The following BANK1 variants were observed in gnomAD, a reference collection of about 807,000 sequenced individuals.
BANK1 encodes B-cell scaffold protein with ankyrin repeats.
A neutral mutation model predicts 94.5 loss-of-function variants in BANK1; 95 were observed. The observed-to-expected ratio is 1.00, with a 90% CI of 0.85 to 1.19. BANK1 has a LOEUF of 1.19. Ranked by LOEUF, BANK1 falls within the 50% of genes most tolerant of loss-of-function variation. BANK1 has a pLI of 0.00. For missense variants in BANK1, 987 were observed against 932.2 expected (o/e 1.06, Z -0.77); for synonymous variants, 334 against 308.4 (o/e 1.08, Z -0.87).
chr4:101,967,966 ACT>A (rs1287719401), intron 7 of BANK1, among the ~76,000 whole-genome samples: 3 of 152,024 alleles, frequency 2.0e-5, no homozygotes, highest in African/African-American at 7.2e-5. Flanking sequence ...AGATGGGAAA[ACT>A]CTGACCAAGT....
chr4:101,984,826 C>T (rs1725429704), intron 7 of BANK1, among the ~76,000 whole-genome samples: 1 of 152,012 alleles, frequency 6.6e-6, no homozygotes, highest in Non-Finnish European at 1.5e-5. Flanking sequence ...GAACAAAATC[C>T]TTTGAGTCTT....
At chr4:102,047,328 T>G (rs1727908832) in intron 11 of BANK1, among the ~76,000 whole-genome samples, 1 of 152,184 alleles carries the variant, frequency 6.6e-6, no homozygotes, top group African/African-American at 2.4e-5. Flanking sequence ...TTTTATTCTC[T>G]CATGAAACAC....
chr4:101,797,528 T>TA (rs1725199195), intron 1 of BANK1, among the ~76,000 whole-genome samples: 1 of 152,112 alleles, frequency 6.6e-6, no homozygotes, highest in Admixed American at 6.6e-5. Flanking sequence ...TTGCAATGAG[T>TA]AAAAATACAG....
intron 6 of BANK1, among the ~76,000 whole-genome samples, chr4:101,899,058 T>C (rs972316922): frequency 2.6e-5 from 4 of 152,076 alleles, no homozygotes; most frequent in Non-Finnish European, 5.9e-5. Context: ...TTTTCCAGTA[T>C]ACAAATTTTG....
At chr4:102,064,699 A>G (rs1728532103) in intron 13 of BANK1, among the ~76,000 whole-genome samples, 2 of 152,250 alleles carry the variant, frequency 1.3e-5, no homozygotes, top group South Asian at 4.1e-4. Flanking sequence ...TTACCAGGCA[A>G]ATATATGAAG....
At chr4:101,802,338 C>T (rs1297855166) in intron 1 of BANK1, among the ~76,000 whole-genome samples, 1 of 152,112 alleles carries the variant, frequency 6.6e-6, no homozygotes, top group Non-Finnish European at 1.5e-5. Context: ...TAATTGATGC[C>T]TGAAGTAATT....
At chr4:101,834,958 T>G (rs1238771849) in intron 2 of BANK1, among the ~76,000 whole-genome samples, 2 of 152,164 alleles carry the variant, frequency 1.3e-5, no homozygotes, top group Non-Finnish European at 1.5e-5. Context: ...AATTTATATT[T>G]TCTCCTAGTA....
chr4:101,891,400 CT>C (rs1721864798), intron 5 of BANK1, among the ~76,000 whole-genome samples: 1 of 151,922 alleles, frequency 6.6e-6, no homozygotes, highest in African/African-American at 2.4e-5. Context: ...TTATTTTTCA[CT>C]TTTTTCAAAA....
chr4:101,965,128 G>A (rs1186727283), intron 7 of BANK1, among the ~76,000 whole-genome samples: 4 of 151,640 alleles, frequency 2.6e-5, no homozygotes, highest in Non-Finnish European at 5.9e-5. Flanking sequence ...GTATTCCATG[G>A]TGTATATGTG....
At chr4:102,042,344 A>G (rs370948625) in intron 10 of BANK1, among the ~76,000 whole-genome samples, 31 of 152,156 alleles carry the variant, frequency 2.0e-4, no homozygotes, top group East Asian at 1.7e-3. Context: ...TATATTTAGC[A>G]TGTTTTCCAT....
rs1400268801 is a variant in BANK1 at position 101,862,422 on chromosome 4, A to C, written c.625-104A>C. ...AAAATACAAACACCATAGAAGACTTATTCAATAATAGTGTATTACCTTAAT... is the reference window on the plus strand; with the variant it reads ...AAAATACAAACACCATAGAAGACTTCTTCAATAATAGTGTATTACCTTAAT... On this transcript the variant is annotated intron_variant, in intron 3 of 16. Coordinates refer to ENST00000322953, the MANE Select transcript of BANK1 (RefSeq NM_017935.5). 2.2e-5 allele frequency: 18 copies of C among 833,114 alleles called. No homozygotes were observed. In the East Asian group the frequency reaches 5.5e-4, roughly 25 times the overall value. The allele number at this position is 833,114 out of a possible 1,614,324, so 51.6% of individuals were successfully genotyped here. A position where few individuals can be genotyped will look rare whatever the true frequency, so the allele number is the denominator to read the frequency against.
intron 10 of BANK1, among the ~76,000 whole-genome samples, chr4:102,041,222 G>A (rs1225740442): frequency 6.6e-6 from 1 of 151,984 alleles, no homozygotes; most frequent in Non-Finnish European, 1.5e-5. Context: ...TTAGAACAAA[G>A]GTTTTGCTAG....
intron 7 of BANK1, among the ~76,000 whole-genome samples, chr4:101,958,420 C>A (rs1177743989): frequency 2.0e-5 from 1 of 50,434 alleles, no homozygotes; most frequent in Non-Finnish European, 5.8e-5. Flanking sequence ...ATGCTACAAA[C>A]ACTTTTTTTT....
chr4:101,882,602 G>A (rs1436637114), intron 5 of BANK1, among the ~76,000 whole-genome samples: 3 of 152,170 alleles, frequency 2.0e-5, no homozygotes, highest in Non-Finnish European at 2.9e-5. Context: ...TTCTGAATGA[G>A]GCAGGAGCAA....
chr4:102,016,296 G>C (rs1247053999), intron 7 of BANK1, among the ~76,000 whole-genome samples: 1 of 152,198 alleles, frequency 6.6e-6, no homozygotes, highest in Non-Finnish European at 1.5e-5. Flanking sequence ...AATATTGGAA[G>C]TTGGGGATCA....
At position 101,921,483 on chromosome 4, in the gene BANK1, G is replaced by C. The variant is rs551143042; in HGVS notation, c.1206+3294G>C. Among the ~76,000 whole-genome samples the C allele has an allele frequency of 6.6e-5, 10 of 152,018 alleles. 1 individual carries two copies. In the South Asian group the frequency reaches 1.7e-3, roughly 25 times the overall value. On this transcript the variant is annotated intron_variant, in intron 7 of 16. Transcript: ENST00000322953. Reference sequence around the variant, plus strand: ...ACAAACTGGAACTTGGCCTCAGATTGAGGTGCTTTGAGATTTAAGATAAAG... The same window carrying C: ...ACAAACTGGAACTTGGCCTCAGATTCAGGTGCTTTGAGATTTAAGATAAAG...
chr4:101,828,616 C>T (rs1375386473), intron 1 of BANK1, among the ~76,000 whole-genome samples: 2 of 151,976 alleles, frequency 1.3e-5, no homozygotes, highest in Non-Finnish European at 2.9e-5. Context: ...TCTTTCGATT[C>T]ATCCATGTTG....
At chr4:102,066,624 GATAAA>G (rs780074306) in intron 13 of BANK1, among the ~76,000 whole-genome samples, 9 of 152,036 alleles carry the variant, frequency 5.9e-5, no homozygotes, top group South Asian at 2.1e-4. Flanking sequence ...TCAAAAATGT[GATAAA>G]ATAAAGACAT....
chr4:101,951,875 A>AC (rs1000204406), intron 7 of BANK1, among the ~76,000 whole-genome samples: 1 of 151,792 alleles, frequency 6.6e-6, no homozygotes, highest in African/African-American at 2.4e-5. Context: ...TAAAACAAAA[A>AC]AAATAAAGAA....
Sources: gnomAD v4.1 joint callset for allele counts (sites outside exome capture counted in the v4.1 genomes callset) on GRCh38, gnomAD v4.1.1 for gene constraint, MANE v1.5 for transcripts, NCBI Gene and HGNC (gene_info 2026-07-23, HGNC 2026-07-21) for gene names.